The following NAGA variants were observed in gnomAD, a reference collection of about 807,000 sequenced individuals.
NAGA encodes Acetylgalactosaminidase, alpha-N- (alpha-galactosidase B).
NAGA carries 42 observed loss-of-function variants against 45.6 expected under a neutral mutation model. That is an observed-to-expected ratio of 0.92 (90% CI 0.72 to 1.19). The LOEUF is 1.19. Among genes scored for constraint, NAGA ranks in the 50% most tolerant of loss-of-function variants. The probability of loss-of-function intolerance (pLI) is 0.00; values close to 1 mark genes in which losing one functional copy is unlikely to be tolerated. For missense variants in NAGA, 493 were observed against 544.8 expected, an observed-to-expected ratio of 0.90 and a Z score of 0.95; for synonymous variants, 176 against 203.1, an observed-to-expected ratio of 0.87 and a Z score of 1.13.
At chr22:42,061,319 C>T (rs1207714551) in intron 7 of NAGA, among the ~76,000 whole-genome samples, 1 of 152,254 alleles carries the variant, frequency 6.6e-6, no homozygotes, top group East Asian at 1.9e-4. Context: ...ACAAGTGCTG[C>T]ATGAGGCCCT....
In NAGA at chr22:42,070,634, T is replaced by C. The variant is rs1208871238; in HGVS notation, c.-337A>G. ...CCCGGGCTCAGAAAAAGGCAGCCAC[T>C]GGCTTAAGGTCACCAAGAAAGAGCG... On this transcript the variant is annotated 5_prime_UTR_variant, in exon 1 of 9. Coordinates refer to ENST00000396398, the MANE Select transcript of NAGA (RefSeq NM_000262.3). 3 of 453,470 alleles carry C rather than the reference T, an allele frequency of 6.6e-6. No homozygotes were observed. Among genetic ancestry groups the C allele is most frequent in the Non-Finnish European group, 8.1e-6 (2 of 245,870 alleles). The allele number at this position is 453,470 out of a possible 1,614,324, so 28.1% of individuals were successfully genotyped here.
At position 42,068,525 on chromosome 22, in the gene NAGA, G is replaced by A. The variant is rs1363500183; in HGVS notation, c.66C>T (p.Leu22=). The A allele has an allele frequency of 6.2e-7, 1 of 1,614,170 alleles. No individual in the cohort carries two copies. Among genetic ancestry groups the A allele is most frequent in the Non-Finnish European group, 8.5e-7 (1 of 1,180,026 alleles). ...VAQVLMLDNG[L]LQTPPMGWLA... ...GCCAGCCCATGGGTGGTGTCTGCAG[G>A]AGCCCATTGTCCAGCATCAGCACCT... is the stretch of plus-strand genomic sequence containing the variant. Residue 22 remains leucine, a synonymous_variant, in exon 2 of 9, where the codon CTC becomes CTT. Transcript: ENST00000396398.
At chr22:42,068,676 C>T in intron 1 of NAGA, 102 bp from the exon 2 acceptor site, 1 of 1,484,550 alleles carries the variant, frequency 6.7e-7, no homozygotes, top group Non-Finnish European at 9.1e-7. Context: ...CAGAGGCTGC[C>T]TGCCTATATA....
At chr22:42,066,573 C>T (rs1425414753) in intron 5 of NAGA, 137 bp downstream of exon 5, 18 of 804,140 alleles carry the variant, frequency 2.2e-5, no homozygotes, top group Non-Finnish European at 3.6e-5. Flanking sequence ...TCTCTAGACA[C>T]CTACAAATCA....
Position 42,065,800 on chromosome 22 carries a change from C to T in NAGA, c.697G>A (p.Val233Met), listed in dbSNP as rs201294991. Residue 233 changes from valine to methionine, a missense_variant, in exon 6 of 9, where the codon GTG (valine) becomes ATG (methionine). Val to Met is a conservative substitution (Grantham distance 21). Coordinates refer to ENST00000396398, the MANE Select transcript of NAGA (RefSeq NM_000262.3). Reference protein sequence around the residue: ...WSVLSILNWFVEHQDILQPVA... With the variant: ...WSVLSILNWFMEHQDILQPVA... ...GGCTGCAGTATGTCCTGGTGCTCCA[C>T]GAACCAATTCAGGATGGAGAGCACG... 296 of 1,614,122 alleles carry T rather than the reference C, an allele frequency of 1.8e-4. No individual in the cohort carries two copies. The highest frequency in any genetic ancestry group is 2.3e-4 in the Non-Finnish European group (274 of 1,180,022).
rs1043629283 is a variant in NAGA at position 42,058,574 on chromosome 22, G to A, written c.*1705C>T. 1 of 152,180 alleles carries A rather than the reference G, an allele frequency of 6.6e-6. No individual in the cohort carries two copies. The highest frequency in any genetic ancestry group is 2.4e-5 in the African/African-American group (1 of 41,432). 9.4% of individuals were successfully genotyped at this position (152,180 alleles called of 1,614,324 possible). A position where few individuals can be genotyped will look rare whatever the true frequency, so the allele number is the denominator to read the frequency against. ...GAGATAGATGGCATGTTTGTTGAAAGAATGAAGGGTGAAGAGATAGGATCA... is the reference window on the plus strand; with the variant it reads ...GAGATAGATGGCATGTTTGTTGAAAAAATGAAGGGTGAAGAGATAGGATCA... On this transcript the variant is annotated 3_prime_UTR_variant, in exon 9 of 9. Transcript: ENST00000396398.
Position 42,060,128 on chromosome 22 carries a change from A to T in NAGA, c.*151T>A. ...GGTTTACGCTTGGACAGGGCATAGA[A>T]CCTGGCCGTGAGATTGCACTTTGGG... is the stretch of plus-strand genomic sequence containing the variant. On this transcript the variant is annotated 3_prime_UTR_variant, in exon 9 of 9. Coordinates refer to ENST00000396398, the MANE Select transcript of NAGA (RefSeq NM_000262.3). 9.6e-7 allele frequency: 1 copy of T among 1,041,370 alleles called. No individual in the cohort carries two copies. Among genetic ancestry groups the T allele is most frequent in the South Asian group, 1.3e-5 (1 of 75,662 alleles). 64.5% of individuals were successfully genotyped at this position (1,041,370 alleles called of 1,614,324 possible).
At position 42,058,731 on chromosome 22, in the gene NAGA, G is replaced by T. The variant is rs973635828; in HGVS notation, c.*1548C>A. On this transcript the variant is annotated 3_prime_UTR_variant, in exon 9 of 9. Coordinates refer to ENST00000396398, the MANE Select transcript of NAGA (RefSeq NM_000262.3). ...CTGGCCCCCAACTCCCAAGTCCATG[G>T]TCTCAACTCATTTCCCACAAAGCCT... The T allele has an allele frequency of 6.6e-6, 1 of 152,432 alleles. No individual in the cohort carries two copies. 9.4% of individuals were successfully genotyped at this position (152,432 alleles called of 1,614,324 possible).
Position 42,067,647 on chromosome 22 carries a change from T to C in NAGA, c.324+118A>G, listed in dbSNP as rs561074029. ...GAATAGGCCAAAAGTCGGTGTTCAT[T>C]TGTCTGTTTCCCCCACTAGACTGTG... On this transcript the variant is annotated intron_variant, in intron 3 of 8. Transcript: ENST00000396398. The C allele has an allele frequency of 0.01, 9,296 of 890,618 alleles. 73 individuals carry two copies. The highest frequency in any genetic ancestry group is 0.014 in the Non-Finnish European group (8,125 of 576,620). 55.2% of individuals were successfully genotyped at this position (890,618 alleles called of 1,614,324 possible).
At position 42,060,977 on chromosome 22, in the gene NAGA, G is replaced by A. The variant is rs1285743095; in HGVS notation, c.1048C>T (p.Arg350Cys). 5.6e-6 allele frequency: 9 copies of A among 1,614,104 alleles called. No individual in the cohort carries two copies. Among genetic ancestry groups the A allele is most frequent in the African/African-American group, 2.7e-5 (2 of 74,942 alleles). The part of the protein sequence containing the change: ...FFSCRTDMPY[R>C]YHSSLGQLNF... ...AGCTGGCCAAGGGAGGAGTGGTAGC[G>A]ATAAGGCATATCGGTCCTGCAGCTG... The change falls in exon 8 of 9, where the codon CGC becomes TGC. Residue 350 changes from arginine to cysteine, a missense_variant. Coordinates refer to ENST00000396398, the MANE Select transcript of NAGA (RefSeq NM_000262.3).
intron 2 of NAGA, 85 bp downstream of exon 2, chr22:42,068,354 C>CT: frequency 6.2e-7 from 1 of 1,606,668 alleles, no homozygotes; most frequent in East Asian, 2.2e-5. Flanking sequence ...ACCTTGCCCT[C>CT]TTTTCTAGTG....
rs57360219 is a variant in NAGA, at chr22:42,067,483, T to G, written c.325-193A>C. ...CACACACCTCCCAGCGGCTGTTTCT[T>G]GCCCCTAGGCCTTTGCTCCTGCCAT... is the stretch of plus-strand genomic sequence containing the variant. On this transcript the variant is annotated intron_variant, in intron 3 of 8. Coordinates refer to ENST00000396398, the MANE Select transcript of NAGA (RefSeq NM_000262.3). 0.015 allele frequency among the ~76,000 whole-genome samples: 2,287 copies of G among 152,298 alleles called. 63 individuals are homozygous for G. Among genetic ancestry groups the G allele is most frequent in the African/African-American group, 0.053 (2,206 of 41,550 alleles).
Position 42,058,452 on chromosome 22 carries a change from A to G in NAGA, c.*1827T>C, listed in dbSNP as rs1041191047. ...ATGATAAAAAGTTTTTAAAAAGAGA[A>G]AGGGTACCTTGCGTCCAAACAAGTC... On this transcript the variant is annotated 3_prime_UTR_variant, in exon 9 of 9. Coordinates refer to ENST00000396398, the MANE Select transcript of NAGA (RefSeq NM_000262.3). 48 of 150,400 alleles carry G rather than the reference A, an allele frequency of 3.2e-4. No homozygotes were observed. The highest frequency in any genetic ancestry group is 1.2e-3 in the African/African-American group (47 of 40,626). The allele number at this position is 150,400 out of a possible 1,614,324, so 9.3% of individuals were successfully genotyped here. A position where few individuals can be genotyped will look rare whatever the true frequency, so the allele number is the denominator to read the frequency against.
At chr22:42,061,148 C>T (rs1185861478) in intron 7 of NAGA, 81 bp from the exon 8 acceptor site, 1 of 1,542,150 alleles carries the variant, frequency 6.5e-7, no homozygotes, top group African/African-American at 1.4e-5. Flanking sequence ...TCCCTGAGTT[C>T]TGGGTCCCCC....
intron 4 of NAGA, 34 bp from the exon 5 acceptor site, chr22:42,066,838 A>G: frequency 6.3e-7 from 1 of 1,579,430 alleles, no homozygotes; most frequent in Non-Finnish European, 8.6e-7. Flanking sequence ...AGTCCTGAGG[A>G]AGTGCAGGAG....
chr22:42,062,407 A>G (rs1926459319), intron 7 of NAGA, among the ~76,000 whole-genome samples: 1 of 152,138 alleles, frequency 6.6e-6, no homozygotes, highest in African/African-American at 2.4e-5. Flanking sequence ...TAGAGATTGC[A>G]GTGAGTCGAA....
At chr22:42,069,619 CAAAAAA>C (rs60526991) in intron 1 of NAGA, among the ~76,000 whole-genome samples, 4 of 93,936 alleles carry the variant, frequency 4.3e-5, no homozygotes, top group Admixed American at 1.2e-4. Context: ...GACTCCGTCT[CAAAAAA>C]AAAAAAAAAA....
At chr22:42,063,730 C>T (rs951621375) in intron 6 of NAGA, among the ~76,000 whole-genome samples, 2 of 152,322 alleles carry the variant, frequency 1.3e-5, no homozygotes, top group South Asian at 2.1e-4. Flanking sequence ...TCTTAAGACA[C>T]GAGTCTGCCG....
chr22:42,066,715 G>T lies in NAGA; in HGVS notation c.592C>A (p.Pro198Thr), dbSNP rs139027070. 58 of 1,598,426 alleles carry T rather than the reference G, an allele frequency of 3.6e-5. No homozygotes were observed. The East Asian group carries it at 4.1e-4, about 11-fold the overall frequency. The change falls in exon 5 of 9, where the codon CCA becomes ACA. Residue 198 changes from proline to threonine, a missense_variant. By Grantham distance (38) the Pro-to-Thr change is conservative (BLOSUM62 -1). Transcript: ENST00000396398. ...SWPAYEGGLP[P>T]RVNYSLLADI... The stretch of plus-strand genomic sequence containing the variant: ...CAGGGGGCAGAATGGCTTACCCTTG[G>T]GGGGAGGCCGCCTTCATAGGCTGGC...
Sources: gnomAD v4.1 joint callset for allele counts (sites outside exome capture counted in the v4.1 genomes callset) on GRCh38, gnomAD v4.1.1 for gene constraint, MANE v1.5 for transcripts, NCBI Gene and HGNC (gene_info 2026-07-23, HGNC 2026-07-21) for gene names.